The following RHOBTB1 variants were observed in gnomAD, a reference collection of about 807,000 sequenced individuals.
RHOBTB1 encodes Rho related BTB domain containing 1.
Under a neutral mutation model 71.6 loss-of-function variants are expected in RHOBTB1, and 40 were observed. The ratio of observed to expected loss-of-function variants is 0.56; its 90% confidence interval spans 0.43 to 0.73. The LOEUF is 0.73. Ranked by LOEUF, RHOBTB1 falls within the 30% of genes least tolerant of loss-of-function variation. The probability of loss-of-function intolerance (pLI) is 0.00; values close to 1 mark genes in which losing one functional copy is unlikely to be tolerated. For missense variants in RHOBTB1, 797 were observed against 894.0 expected, an observed-to-expected ratio of 0.89 and a Z score of 1.38; for synonymous variants, 319 against 334.9, an observed-to-expected ratio of 0.95 and a Z score of 0.52.
intron 4 of RHOBTB1, among the ~76,000 whole-genome samples, chr10:60,903,229 A>C (rs2082494375): frequency 6.6e-6 from 1 of 152,112 alleles, no homozygotes; most frequent in South Asian, 2.1e-4. Flanking sequence ...TTCTAACATA[A>C]TGCATGTTTG....
chr10:60,972,843 A>G (rs1436218791), intron 2 of RHOBTB1, among the ~76,000 whole-genome samples: 3 of 152,022 alleles, frequency 2.0e-5, no homozygotes, highest in African/African-American at 7.2e-5. Flanking sequence ...TGTCAAATGC[A>G]ATTTGCTCTA....
the RHOBTB1 span, among the ~76,000 whole-genome samples, chr10:60,863,245 T>C: frequency 2.0e-5 from 3 of 152,352 alleles, no homozygotes; most frequent in Non-Finnish European, 4.4e-5. Context: ...CCCTTTCAAA[T>C]AAGCCTTATG....
At chr10:60,967,114 G>A (rs1179346613) in intron 2 of RHOBTB1, among the ~76,000 whole-genome samples, 1 of 151,994 alleles carries the variant, frequency 6.6e-6, no homozygotes, top group Non-Finnish European at 1.5e-5. Context: ...AGGAGGCACT[G>A]ACTCTAGGTC....
chr10:60,930,456 CTAT>C (rs776779432), intron 2 of RHOBTB1, among the ~76,000 whole-genome samples: 1 of 152,094 alleles, frequency 6.6e-6, no homozygotes, highest in African/African-American at 2.4e-5. Context: ...AGAAATGCTG[CTAT>C]TATTGAGGGG....
rs1589270225 is a variant in RHOBTB1 at position 60,910,754 on chromosome 10, T to C, written c.296+133A>G. On this transcript the variant is annotated intron_variant, in intron 4 of 10. Transcript: ENST00000337910. ...ATACCATTTTTTTTTCTTTTCCTTT[T>C]CTTAGACACAGTGCAGAACCCAGCA... The C allele has an allele frequency of 6.7e-6, 4 of 599,318 alleles. No individual in the cohort carries two copies. The East Asian group carries it at 1.1e-4, about 17-fold the overall frequency. 37.1% of individuals were successfully genotyped at this position (599,318 alleles called of 1,614,324 possible). A position where few individuals can be genotyped will look rare whatever the true frequency, so the allele number is the denominator to read the frequency against.
chr10:60,872,663 C>T (rs2080855295), intron 9 of RHOBTB1, among the ~76,000 whole-genome samples: 1 of 152,088 alleles, frequency 6.6e-6, no homozygotes, highest in Non-Finnish European at 1.5e-5. Context: ...TTAAGGAAGC[C>T]TCCGCAATGG....
intron 4 of RHOBTB1, among the ~76,000 whole-genome samples, chr10:60,898,256 C>T (rs1370045891): frequency 6.6e-6 from 1 of 152,024 alleles, no homozygotes; most frequent in African/African-American, 2.4e-5. Context: ...GAGTGTCTGA[C>T]CTTCTTTGGG....
Position 60,910,872 on chromosome 10 carries a change from C to T in RHOBTB1, c.296+15G>A, listed in dbSNP as rs2082931563. 3 of 1,586,928 alleles carry T rather than the reference C, an allele frequency of 1.9e-6. No homozygotes were observed. In the Admixed American group the frequency reaches 5.0e-5, roughly 26 times the overall value. ...TGCATTCAAGCTCAACCACGCTGTA[C>T]TAGTCTTGGTTTACCTGCCATATGC... On this transcript the variant is annotated intron_variant, in intron 4 of 10. Coordinates refer to ENST00000337910, the MANE Select transcript of RHOBTB1 (RefSeq NM_014836.5).
At chr10:60,985,793 A>G (rs1258782339) in intron 2 of RHOBTB1, 4 of 152,186 alleles carry the variant, frequency 2.6e-5, no homozygotes, top group African/African-American at 9.7e-5. Flanking sequence ...TTTGTTAAAT[A>G]TTGTAAGAAA....
At chr10:60,955,826 A>G (rs2085572619) in intron 2 of RHOBTB1, among the ~76,000 whole-genome samples, 1 of 152,216 alleles carries the variant, frequency 6.6e-6, no homozygotes, top group African/African-American at 2.4e-5. Context: ...ACTATCTTGA[A>G]AACTAAGGAT....
intron 7 of RHOBTB1, among the ~76,000 whole-genome samples, chr10:60,885,553 C>T (rs1035966763): frequency 6.6e-6 from 1 of 152,162 alleles, no homozygotes; most frequent in African/African-American, 2.4e-5. Context: ...AGGGCAGAGC[C>T]TTAGACAGTA....
chr10:60,959,519 G>A (rs145434749), intron 2 of RHOBTB1, among the ~76,000 whole-genome samples: 93 of 152,280 alleles, frequency 6.1e-4, no homozygotes, highest in Admixed American at 9.8e-4. Flanking sequence ...AGTGCTAGTG[G>A]ATGTTGCTCA....
chr10:60,951,874 T>C (rs1256046723), intron 2 of RHOBTB1, among the ~76,000 whole-genome samples: 1 of 151,898 alleles, frequency 6.6e-6, no homozygotes, highest in African/African-American at 2.4e-5. Context: ...CTGGTCAACA[T>C]GATGAAACCC....
intron 2 of RHOBTB1, among the ~76,000 whole-genome samples, chr10:60,951,641 C>T (rs559172028): frequency 4.6e-5 from 7 of 152,296 alleles, no homozygotes; most frequent in South Asian, 2.1e-4. Context: ...CATCCTGTCA[C>T]GGTATCCATC....
At position 60,940,707 on chromosome 10, in the gene RHOBTB1, A is replaced by G. The variant is rs74155415; in HGVS notation, c.-11+1097T>C. On this transcript the variant is annotated intron_variant, in intron 2 of 10. Transcript: ENST00000337910. ...TCTCTCCCTGTTGGGTTGAAATTCT[A>G]CATTCTGTCCTTTCCCAAACTCTCA... 9.7e-3 allele frequency among the ~76,000 whole-genome samples: 1,471 copies of G among 152,286 alleles called. 19 individuals carry two copies. Among genetic ancestry groups the G allele is most frequent in the African/African-American group, 0.033 (1,385 of 41,564 alleles).
intron 1 of RHOBTB1, among the ~76,000 whole-genome samples, chr10:60,988,491 G>C (rs1002883160): frequency 1.3e-5 from 2 of 151,554 alleles, no homozygotes; most frequent in South Asian, 4.2e-4. Context: ...AGTGTCTGTT[G>C]TTCCATTCTT....
chr10:60,882,923 T>C (rs1470433725), intron 7 of RHOBTB1, among the ~76,000 whole-genome samples: 1 of 152,188 alleles, frequency 6.6e-6, no homozygotes, highest in Non-Finnish European at 1.5e-5. Flanking sequence ...CATTTGTATG[T>C]TCTAGGCATC....
intron 2 of RHOBTB1, among the ~76,000 whole-genome samples, chr10:60,957,475 G>C (rs2085634150): frequency 6.6e-6 from 1 of 152,122 alleles, no homozygotes; most frequent in African/African-American, 2.4e-5. Flanking sequence ...GTCATTATAT[G>C]GTGCAGGACT....
At chr10:60,937,328 C>T (rs1365431449) in intron 2 of RHOBTB1, among the ~76,000 whole-genome samples, 1 of 152,024 alleles carries the variant, frequency 6.6e-6, no homozygotes, top group Non-Finnish European at 1.5e-5. Context: ...TATCAGTCAG[C>T]AACACGTGAC....
Sources: gnomAD v4.1 joint callset for allele counts (sites outside exome capture counted in the v4.1 genomes callset) on GRCh38, gnomAD v4.1.1 for gene constraint, MANE v1.5 for transcripts, NCBI Gene and HGNC (gene_info 2026-07-23, HGNC 2026-07-21) for gene names.